Variants in TRIM32 observed in about 807,000 individuals in gnomAD.
The protein encoded by TRIM32 is E3 ubiquitin-protein ligase TRIM32.
Under a neutral mutation model 36.0 loss-of-function variants are expected in TRIM32, and 19 were observed. The observed-to-expected ratio is 0.53, with a 90% confidence interval of 0.37 to 0.77. The LOEUF (loss-of-function observed/expected upper bound fraction) is 0.77, where lower values mean the gene tolerates loss of function less well. Among genes scored for constraint, TRIM32 ranks in the 30% least tolerant of loss-of-function variants. TRIM32 has a pLI of 0.00. For synonymous variants in TRIM32, 309 were observed against 318.5 expected (o/e 0.97, Z 0.32); for missense variants, 747 against 845.2 (o/e 0.88, Z 1.44).
intron 1 of TRIM32, among the ~76,000 whole-genome samples, chr9:116,694,461 T>C (rs1391169504): frequency 1.7e-5 from 2 of 116,486 alleles, no homozygotes; most frequent in Non-Finnish European, 3.3e-5. Context: ...TAATTTCTCT[T>C]TTTTTTTTTT....
Position 116,700,411 on chromosome 9 carries a change from C to T in TRIM32, c.*707C>T, listed in dbSNP as rs937938071. On this transcript the variant is annotated 3_prime_UTR_variant, in exon 2 of 2. Transcript: ENST00000450136. ...ATGACTTCAGCCTGGAAATTGCTTG[C>T]CTTTTAAAGAAGCATATATGGGTTG... The T allele has an allele frequency of 6.0e-6, 1 of 167,116 alleles. No individual in the cohort carries two copies. Among genetic ancestry groups the T allele is most frequent in the African/African-American group, 2.4e-5 (1 of 41,432 alleles). The allele number at this position is 167,116 out of a possible 1,614,324, so 10.4% of individuals were successfully genotyped here. A position where few individuals can be genotyped will look rare whatever the true frequency, so the allele number is the denominator to read the frequency against.
At chr9:116,694,018 C>T (rs931695026) in intron 1 of TRIM32, among the ~76,000 whole-genome samples, 2 of 152,158 alleles carry the variant, frequency 1.3e-5, no homozygotes, top group African/African-American at 4.8e-5. Flanking sequence ...TTCCGTGCCT[C>T]ATGCTTTAGT....
chr9:116,689,846 C>G (rs1349286464), intron 1 of TRIM32, among the ~76,000 whole-genome samples: 5 of 152,094 alleles, frequency 3.3e-5, no homozygotes, highest in African/African-American at 1.2e-4. Flanking sequence ...GTGCAACGGA[C>G]TATAGGGTGA....
intron 1 of TRIM32, among the ~76,000 whole-genome samples, chr9:116,692,994 A>G (rs1424045766): frequency 6.6e-6 from 1 of 152,144 alleles, no homozygotes. Flanking sequence ...TTCTCAATCA[A>G]AACTCTTCAA....
chr9:116,696,520 C>G (rs901601849), intron 1 of TRIM32, among the ~76,000 whole-genome samples: 2 of 152,160 alleles, frequency 1.3e-5, no homozygotes, highest in African/African-American at 4.8e-5. Context: ...CTTTTGCCCA[C>G]TTCTTTCTTC....
chr9:116,694,617 C>T (rs1441752598), intron 1 of TRIM32, among the ~76,000 whole-genome samples: 6 of 140,928 alleles, frequency 4.3e-5, no homozygotes, highest in African/African-American at 1.6e-4. Context: ...CCTGCCACCA[C>T]GCCCAGCTAA....
At chr9:116,695,174 G>C (rs1319314365) in intron 1 of TRIM32, among the ~76,000 whole-genome samples, 1 of 152,184 alleles carries the variant, frequency 6.6e-6, no homozygotes, top group Non-Finnish European at 1.5e-5. Flanking sequence ...TGTACTTCAA[G>C]GTTCCACTAT....
intron 1 of TRIM32, among the ~76,000 whole-genome samples, chr9:116,691,373 C>T (rs892703850): frequency 3.9e-5 from 6 of 152,112 alleles, no homozygotes; most frequent in Admixed American, 6.6e-5. Flanking sequence ...ATACTGGCAG[C>T]GTAGGTACTA....
chr9:116,693,156 A>G (rs1860658380), intron 1 of TRIM32, among the ~76,000 whole-genome samples: 1 of 152,200 alleles, frequency 6.6e-6, no homozygotes, highest in South Asian at 2.1e-4. Flanking sequence ...TTATTTATTT[A>G]GCATCCTTTT....
Position 116,699,268 on chromosome 9 carries a change from G to C in TRIM32, c.1526G>C (p.Cys509Ser), listed in dbSNP as rs1431275077. The C allele has an allele frequency of 6.2e-7, 1 of 1,614,212 alleles. No homozygotes were observed. The highest frequency in any genetic ancestry group is 8.5e-7 in the Non-Finnish European group (1 of 1,180,052). Residue 509 changes from cysteine (C) to serine (S), a missense_variant, in exon 2 of 2, where the codon TGC becomes TCC. Transcript: ENST00000450136. This position sits in a 1 kb window ranked among gnomAD's most constrained non-coding sequence, Gnocchi z 4.2. The stretch of plus-strand genomic sequence containing the variant: ...GGATCAGGGGTGGTCAAATACAGCT[G>C]CCTATGTAGTGCTGTGCGGCCCAAA... Reference protein sequence around the residue: ...DRGSGVVKYSCLCSAVRPKFV... With the variant: ...DRGSGVVKYSSLCSAVRPKFV...
rs748106080 is a variant in TRIM32 at position 116,698,525 on chromosome 9, G to A, written c.783G>A (p.Glu261=). ...TACTGGAGGAGACAGCTGATGAGGA[G>A]GAGCCAGAGCTCACTGCCAGCTTGC... ...VALLEETADE[E]EPELTASLPR... Residue 261 remains glutamate, a synonymous_variant, in exon 2 of 2, where the codon GAG becomes GAA. Coordinates refer to ENST00000450136, the MANE Select transcript of TRIM32 (RefSeq NM_012210.4). The surrounding 1 kb of genome is among the most constrained non-coding windows in gnomAD (Gnocchi z 4.4). 1.2e-6 allele frequency: 2 copies of A among 1,613,800 alleles called. No individual in the cohort carries two copies. Among genetic ancestry groups the A allele is most frequent in the South Asian group, 1.1e-5 (1 of 91,042 alleles).
At chr9:116,691,430 GT>G (rs10712697) in intron 1 of TRIM32, among the ~76,000 whole-genome samples, 1,686 of 152,268 alleles carry the variant, frequency 0.011, 30 homozygotes, top group African/African-American at 0.039. Context: ...AGGTCCTGCA[GT>G]TTTAGAGGAA....
chr9:116,698,457 T>A lies in TRIM32; in HGVS notation c.715T>A (p.Cys239Ser). ...NIAEVQAVSR[C>S]DYFLAKIKQA... ...TGCAGAGGTGCAGGCTGTGTCTCGC[T>A]GTGACTACTTCCTGGCCAAGATCAA... The change falls in exon 2 of 2, where the codon TGT becomes AGT. Residue 239 changes from cysteine (C) to serine (S), a missense_variant. Transcript: ENST00000450136. This position sits in a 1 kb window ranked among gnomAD's most constrained non-coding sequence, Gnocchi z 4.4. 6.2e-7 allele frequency: 1 copy of A among 1,614,034 alleles called. No individual in the cohort carries two copies. Among genetic ancestry groups the A allele is most frequent in the Non-Finnish European group, 8.5e-7 (1 of 1,180,032 alleles).
rs1480973379 is a variant in TRIM32 at position 116,699,848 on chromosome 9, T to TTAA, written c.*146_*148dup. Reference sequence around the variant, plus strand: ...TCTAGAACTTCAGAAGCTCCATCTTTTAATGTTTTTATTTGTTATGTCCCC... The same window carrying TTAA: ...TCTAGAACTTCAGAAGCTCCATCTTTTAATAATGTTTTTATTTGTTATGTCCCC... On this transcript the variant is annotated 3_prime_UTR_variant, in exon 2 of 2. Coordinates refer to ENST00000450136, the MANE Select transcript of TRIM32 (RefSeq NM_012210.4). The surrounding 1 kb of genome is among the most constrained non-coding windows in gnomAD (Gnocchi z 4.2). 9.0e-7 allele frequency: 1 copy of TTAA among 1,114,330 alleles called. No individual in the cohort carries two copies. Among genetic ancestry groups the TTAA allele is most frequent in the African/African-American group, 1.6e-5 (1 of 63,360 alleles). 69.0% of individuals were successfully genotyped at this position (1,114,330 alleles called of 1,614,324 possible).
rs2132072865 is a variant in TRIM32 at position 116,698,519 on chromosome 9, T to C, written c.777T>C (p.Asp259=). 3.7e-6 allele frequency: 6 copies of C among 1,613,702 alleles called. No individual in the cohort carries two copies. The highest frequency in any genetic ancestry group is 3.4e-6 in the Non-Finnish European group (4 of 1,179,982). ...TAGCACTACTGGAGGAGACAGCTGA[T>C]GAGGAGGAGCCAGAGCTCACTGCCA... ...ADVALLEETA[D]EEEPELTASL... Residue 259 remains aspartate (D), a synonymous_variant, in exon 2 of 2, where the codon GAT becomes GAC. Coordinates refer to ENST00000450136, the MANE Select transcript of TRIM32 (RefSeq NM_012210.4). The surrounding 1 kb of genome is among the most constrained non-coding windows in gnomAD (Gnocchi z 4.4).
chr9:116,699,902 T>C lies in TRIM32; in HGVS notation c.*198T>C. ...CCCGCTTCCCACCTAAATTTAGAGC[T>C]TTAAAAGATGCACTGCCCAAATAGG... On this transcript the variant is annotated 3_prime_UTR_variant, in exon 2 of 2. Transcript: ENST00000450136. This position sits in a 1 kb window ranked among gnomAD's most constrained non-coding sequence, Gnocchi z 4.2. 1 of 743,884 alleles carries C rather than the reference T, an allele frequency of 1.3e-6. No homozygotes were observed. The highest frequency in any genetic ancestry group is 2.2e-6 in the Non-Finnish European group (1 of 453,342). 46.1% of individuals were successfully genotyped at this position (743,884 alleles called of 1,614,324 possible).
At chr9:116,690,180 G>C (rs1860495483) in intron 1 of TRIM32, among the ~76,000 whole-genome samples, 1 of 152,168 alleles carries the variant, frequency 6.6e-6, no homozygotes, top group Non-Finnish European at 1.5e-5. Context: ...AGTAGCTACG[G>C]CACTTGTCCT....
Position 116,698,848 on chromosome 9 carries a change from GA to G in TRIM32, c.1108del (p.Met370CysfsTer10), listed in dbSNP as rs759376012. On this transcript the variant is annotated frameshift_variant, in exon 2 of 2. Coordinates refer to ENST00000450136, the MANE Select transcript of TRIM32 (RefSeq NM_012210.4). LOFTEE classifies it high-confidence loss of function. The surrounding 1 kb of genome is among the most constrained non-coding windows in gnomAD (Gnocchi z 4.4). ...KKMGAKGSTPGMFNLPVSLYV... is the reference protein window; with the variant it reads ...KKMGAKGSTPXMFNLPVSLYV... ...ATGGGGGCCAAAGGCAGCACTCCAG[GA>G]ATGTTCAATCTTCCAGTCAGTCTCT... is the stretch of plus-strand genomic sequence containing the variant. 2.1e-5 allele frequency: 34 copies of G among 1,614,202 alleles called. No homozygotes were observed. Among genetic ancestry groups the G allele is most frequent in the Non-Finnish European group, 2.9e-5 (34 of 1,180,046 alleles).
At position 116,698,882 on chromosome 9, in the gene TRIM32, C is replaced by T. The variant is rs142715198; in HGVS notation, c.1140C>T (p.Thr380=). Residue 380 remains threonine, a synonymous_variant, in exon 2 of 2, where the codon ACC becomes ACT. Transcript: ENST00000450136. This position sits in a 1 kb window ranked among gnomAD's most constrained non-coding sequence, Gnocchi z 4.4. ...MFNLPVSLYV[T]SQGEVLVADR... ...ATCTTCCAGTCAGTCTCTACGTGAC[C>T]AGTCAAGGTGAAGTACTAGTCGCTG... 1.9e-5 allele frequency: 31 copies of T among 1,614,078 alleles called. No homozygotes were observed. The highest frequency in any genetic ancestry group is 2.6e-5 in the Non-Finnish European group (31 of 1,180,050).
Sources: gnomAD v4.1 joint callset for allele counts (sites outside exome capture counted in the v4.1 genomes callset) on GRCh38, gnomAD v4.1.1 for gene constraint, Gnocchi (gnomAD v3.1) non-coding constraint, MANE v1.5 for transcripts, NCBI Gene and HGNC (gene_info 2026-07-23, HGNC 2026-07-21) for gene names.